STK31: variants seen among roughly 807,000 people sequenced by gnomAD.
STK31 encodes the protein serine/threonine-protein kinase 31.
STK31 carries 89 observed loss-of-function variants against 129.7 expected under a neutral mutation model. That is an observed-to-expected ratio of 0.69 (90% CI 0.58 to 0.82). The LOEUF (loss-of-function observed/expected upper bound fraction) is 0.82, where lower values mean the gene tolerates loss of function less well. Among genes scored for constraint, STK31 ranks in the 40% least tolerant of loss-of-function variants. The pLI, the probability that STK31 is intolerant of heterozygous loss-of-function variation, is 0.00. For synonymous variants in STK31, 448 were observed against 395.3 expected, an observed-to-expected ratio of 1.13 and a Z score of -1.58; for missense variants, 1,187 against 1,176.4, an observed-to-expected ratio of 1.01 and a Z score of -0.13.
At chr7:23,780,831 T>G (rs1790880167) in intron 15 of STK31, among the ~76,000 whole-genome samples, 2 of 152,278 alleles carry the variant, frequency 1.3e-5, no homozygotes, top group South Asian at 4.1e-4. Flanking sequence ...TGTGCAGGGT[T>G]TTTATGGTTG....
Position 23,792,715 on chromosome 7 carries a change from G to A in STK31, c.2760+1769G>A, listed in dbSNP as rs545898326. Among the ~76,000 whole-genome samples, 8 of 152,256 alleles carry A rather than the reference G, an allele frequency of 5.3e-5. No homozygotes were observed. The South Asian group carries it at 1.7e-3, about 32-fold the overall frequency. ...AACTACCTGATTTTATGACTTAATAGATTCTAGGAAATTAAGACAATGTAG... is the reference window on the plus strand; with the variant it reads ...AACTACCTGATTTTATGACTTAATAAATTCTAGGAAATTAAGACAATGTAG... On this transcript the variant is annotated intron_variant, in intron 22 of 23. Coordinates refer to ENST00000355870, the MANE Select transcript of STK31 (RefSeq NM_031414.5).
chr7:23,820,024 C>G (rs1793708023), intron 23 of STK31, among the ~76,000 whole-genome samples: 1 of 152,132 alleles, frequency 6.6e-6, no homozygotes, highest in Non-Finnish European at 1.5e-5. Flanking sequence ...CAAATTCTGA[C>G]CAGTACCTTG....
At chr7:23,785,848 G>A (rs1193060490) in intron 18 of STK31, among the ~76,000 whole-genome samples, 1 of 151,016 alleles carries the variant, frequency 6.6e-6, no homozygotes, top group Non-Finnish European at 1.5e-5. Context: ...CTGTCATGGG[G>A]TGGGGGGCAG....
At chr7:23,724,218 C>G (rs987747690) in intron 4 of STK31, among the ~76,000 whole-genome samples, 15 of 152,146 alleles carry the variant, frequency 9.9e-5, no homozygotes, top group Non-Finnish European at 2.2e-4. Context: ...TGAAAAAAAT[C>G]CTGGGAACTT....
intron 23 of STK31, among the ~76,000 whole-genome samples, chr7:23,830,452 C>T (rs959963247): frequency 4.6e-5 from 7 of 152,016 alleles, no homozygotes; most frequent in African/African-American, 1.4e-4. Context: ...CTTTGATTTT[C>T]AATTGTTCTA....
At chr7:23,736,014 A>G (rs1787697618) in intron 7 of STK31, 118 bp downstream of exon 7, 2 of 778,736 alleles carry the variant, frequency 2.6e-6, no homozygotes, top group Non-Finnish European at 3.9e-6. Flanking sequence ...TTAAGGGCTG[A>G]TGCTGATATT....
At chr7:23,821,678 T>C (rs1419327791) in intron 23 of STK31, among the ~76,000 whole-genome samples, 1 of 152,192 alleles carries the variant, frequency 6.6e-6, no homozygotes, top group East Asian at 1.9e-4. Flanking sequence ...TGTCTCTTTT[T>C]GTTTTTGTTG....
In STK31 at chr7:23,735,681, A is replaced by G. The variant is rs771646145; in HGVS notation, c.627A>G (p.Ala209=). Residue 209 remains alanine, a synonymous_variant, in exon 7 of 24, where the codon GCA becomes GCG. Transcript: ENST00000355870. ...AAGAGGTGCTTAAGAAAGGATTTGC[A>G]GAGAAATGCAGACTTGCTTCCAGAA... ...IGEEVLKKGF[A]EKCRLASRTD... is the part of the protein sequence containing the mutation. 11 of 1,614,100 alleles carry G rather than the reference A, an allele frequency of 6.8e-6. No individual in the cohort carries two copies. The highest frequency in any genetic ancestry group is 4.4e-5 in the South Asian group (4 of 91,088).
chr7:23,759,973 A>G (rs977135667), intron 10 of STK31, among the ~76,000 whole-genome samples: 1 of 152,210 alleles, frequency 6.6e-6, no homozygotes, highest in African/African-American at 2.4e-5. Flanking sequence ...TGTTTTATGC[A>G]TGTAAGACTC....
intron 8 of STK31, among the ~76,000 whole-genome samples, chr7:23,737,666 A>G (rs1014463458): frequency 1.3e-5 from 2 of 152,200 alleles, no homozygotes; most frequent in Non-Finnish European, 2.9e-5. Context: ...GTTTTCTCCA[A>G]TCAGGATCCC....
intron 20 of STK31, among the ~76,000 whole-genome samples, chr7:23,787,779 C>A (rs1033452404): frequency 6.9e-6 from 1 of 144,744 alleles, no homozygotes; most frequent in East Asian, 2.0e-4. Flanking sequence ...CACACACACA[C>A]ACAAACACAC....
intron 22 of STK31, among the ~76,000 whole-genome samples, chr7:23,807,042 T>C (rs2128123394): frequency 6.6e-6 from 1 of 152,312 alleles, no homozygotes; most frequent in Non-Finnish European, 1.5e-5. Flanking sequence ...AGACTGGTCA[T>C]TCCTGTCTTA....
At chr7:23,768,464 G>A (rs1789967681) in intron 11 of STK31, among the ~76,000 whole-genome samples, 1 of 152,170 alleles carries the variant, frequency 6.6e-6, no homozygotes, top group South Asian at 2.1e-4. Context: ...ATTTTAGCGT[G>A]TAGTTTATTT....
At chr7:23,763,029 AG>A (rs1789566170) in intron 11 of STK31, 106 bp downstream of exon 11, 6 of 989,326 alleles carry the variant, frequency 6.1e-6, no homozygotes, top group Non-Finnish European at 8.3e-6. Context: ...TGGTTGCAAA[AG>A]TTTTTCCTGT....
intron 22 of STK31, among the ~76,000 whole-genome samples, chr7:23,807,187 T>C (rs954667384): frequency 1.2e-4 from 18 of 152,170 alleles, no homozygotes; most frequent in African/African-American, 3.6e-4. Flanking sequence ...ATTTCTCCTT[T>C]TATCATTTTT....
At chr7:23,751,672 A>G (rs1241672086) in intron 8 of STK31, among the ~76,000 whole-genome samples, 1 of 152,106 alleles carries the variant, frequency 6.6e-6, no homozygotes, top group African/African-American at 2.4e-5. Flanking sequence ...TCTAAATATT[A>G]TTGTAGTTTT....
At chr7:23,717,097 CTTTTTTTTTTTTTT>C (rs70956911) in intron 3 of STK31, among the ~76,000 whole-genome samples, 20 of 42,952 alleles carry the variant, frequency 4.7e-4, no homozygotes, top group East Asian at 1.0e-3. Flanking sequence ...TCGCAACCTG[CTTTTTTTTTTTTTT>C]TTTTTTTTTT....
At chr7:23,738,792 C>T (rs942479249) in intron 8 of STK31, among the ~76,000 whole-genome samples, 3 of 152,080 alleles carry the variant, frequency 2.0e-5, no homozygotes, top group African/African-American at 7.2e-5. Flanking sequence ...CTCAGGTGAT[C>T]CACCCACCTC....
At chr7:23,722,228 T>C (rs1786753861) in intron 4 of STK31, 1 of 152,646 alleles carries the variant, frequency 6.6e-6, no homozygotes, top group Non-Finnish European at 1.5e-5. Context: ...TTTTTGTCTT[T>C]GATGATGGTG....
Sources: gnomAD v4.1 joint callset for allele counts (sites outside exome capture counted in the v4.1 genomes callset) on GRCh38, gnomAD v4.1.1 for gene constraint, MANE v1.5 for transcripts, NCBI Gene and HGNC (gene_info 2026-07-23, HGNC 2026-07-21) for gene names.